The following RNF14 variants were observed in gnomAD, a reference collection of about 807,000 sequenced individuals.
RNF14 encodes E3 ubiquitin-protein ligase RNF14.
In RNF14, 26 loss-of-function variants were observed where a neutral mutation model predicts 52.6. The observed-to-expected ratio is 0.49, with a 90% CI of 0.36 to 0.69. RNF14 has a LOEUF of 0.69. Among genes scored for constraint, RNF14 ranks in the 30% least tolerant of loss-of-function variants. The probability of loss-of-function intolerance (pLI) is 0.00; values close to 1 mark genes in which losing one functional copy is unlikely to be tolerated. For missense variants in RNF14, 404 were observed against 560.4 expected (o/e 0.72, Z 2.82); for synonymous variants, 194 against 202.0 (o/e 0.96, Z 0.34).
rs749606811 is a variant in RNF14, at chr5:141,989,690, CTCA to C, written c.*1901_*1903del. The C allele has an allele frequency of 2.8e-5, 1 of 36,270 alleles. No homozygotes were observed. The highest frequency in any genetic ancestry group is 1.8e-4 in the African/African-American group (1 of 5,622). The allele number at this position is 36,270 out of a possible 1,614,324, so 2.2% of individuals were successfully genotyped here. On this transcript the variant is annotated 3_prime_UTR_variant, in exon 9 of 9. Transcript: ENST00000394520. ...CCTGAGCGACAGAGCGAGACTCCTTCTCAAAAAAAAAAAAAAAAAAAATTGAGG... is the reference window on the plus strand; with the variant it reads ...CCTGAGCGACAGAGCGAGACTCCTTCAAAAAAAAAAAAAAAAAAATTGAGG...
In RNF14 at chr5:141,978,694, T is replaced by C. The variant is rs1472422491; in HGVS notation, c.698T>C (p.Met233Thr). 8 of 1,613,916 alleles carry C rather than the reference T, an allele frequency of 5.0e-6. No homozygotes were observed. The Admixed American group carries it at 8.3e-5, about 17-fold the overall frequency. The part of the protein sequence containing the change: ...CFCEKLGSEC[M>T]YFLECRHVYC... ...TGTGAGAAGCTGGGTAGTGAATGCA[T>C]GTACTTCTTGGAGTGCAGGCATGTG... Residue 233 changes from methionine (M) to threonine (T), a missense_variant, in exon 5 of 9, where the codon ATG becomes ACG. By Grantham distance (81) the Met-to-Thr change is moderately conservative. Coordinates refer to ENST00000394520, the MANE Select transcript of RNF14 (RefSeq NM_004290.5).
At chr5:141,973,795 G>T in intron 3 of RNF14, 53 bp downstream of exon 3, 4 of 1,455,292 alleles carry the variant, frequency 2.7e-6, no homozygotes, top group Non-Finnish European at 3.7e-6. Flanking sequence ...ATTTCTTAGT[G>T]TACCTTAAAC....
intron 6 of RNF14, 62 bp downstream of exon 6, chr5:141,980,413 T>C (rs374742011): frequency 1.0e-5 from 12 of 1,204,938 alleles, no homozygotes; most frequent in Admixed American, 3.7e-5. Flanking sequence ...TTCACTCTAC[T>C]ACCAGGGCCT....
intron 4 of RNF14, among the ~76,000 whole-genome samples, chr5:141,977,336 A>G (rs751362106): frequency 2.0e-5 from 3 of 152,272 alleles, no homozygotes; most frequent in Non-Finnish European, 4.4e-5. Flanking sequence ...TGCAGGGTTT[A>G]GTCAGTGGCA....
chr5:141,955,655 G>A, upstream of RNF14: 3 of 1,614,146 alleles, frequency 1.9e-6, no homozygotes, highest in Non-Finnish European at 2.5e-6. This position sits in a 1 kb window ranked among gnomAD's most constrained non-coding sequence, Gnocchi z 5.5. Context: ...AACAAAGCCA[G>A]GATCAACCCG....
Position 141,978,191 on chromosome 5 carries a change from G to A in RNF14, c.307-112G>A. On this transcript the variant is annotated intron_variant, in intron 4 of 8. Coordinates refer to ENST00000394520, the MANE Select transcript of RNF14 (RefSeq NM_004290.5). ...CAGTGTATCACAGCAGTAAAAAATA[G>A]TGTTAGAATAAGGGCCTAACTTGCA... 4.6e-6 allele frequency: 4 copies of A among 863,602 alleles called. 1 individual carries two copies. In the South Asian group the frequency reaches 6.9e-5, roughly 15 times the overall value. 53.5% of individuals were successfully genotyped at this position (863,602 alleles called of 1,614,324 possible).
chr5:141,973,936 C>T (rs1208669837), intron 3 of RNF14, among the ~76,000 whole-genome samples, 194 bp downstream of exon 3: 1 of 152,182 alleles, frequency 6.6e-6, no homozygotes, highest in African/African-American at 2.4e-5. Context: ...TTTTTGATCA[C>T]TGAAGAGGGA....
upstream of RNF14, chr5:141,957,725 C>T: frequency 6.2e-7 from 1 of 1,613,998 alleles, no homozygotes; most frequent in Non-Finnish European, 8.5e-7. The surrounding 1 kb of genome is among the most constrained non-coding windows in gnomAD (Gnocchi z 4.3). Context: ...ATCACTGTAC[C>T]AGATGGCACT....
chr5:141,966,252 A>G (rs1753346959), upstream of RNF14, among the ~76,000 whole-genome samples: 1 of 152,174 alleles, frequency 6.6e-6, no homozygotes, highest in Non-Finnish European at 1.5e-5. Context: ...GTGCCACTGC[A>G]CTCTAGCCTG....
At chr5:141,984,773 A>G in intron 7 of RNF14, 30 bp from the exon 8 acceptor site, 1 of 1,610,852 alleles carries the variant, frequency 6.2e-7, no homozygotes, top group Non-Finnish European at 8.5e-7. Flanking sequence ...TACAGCCTTG[A>G]TATTTTTCTC....
upstream of RNF14, chr5:141,969,031 C>G (rs1165384082): frequency 1.3e-5 from 2 of 152,234 alleles, no homozygotes; most frequent in Admixed American, 1.3e-4. Context: ...GGGGCGACCA[C>G]GGCGGCTGCG....
chr5:141,957,087 T>A, upstream of RNF14: 1 of 1,614,172 alleles, frequency 6.2e-7, no homozygotes. The surrounding 1 kb of genome is among the most constrained non-coding windows in gnomAD (Gnocchi z 4.3). Flanking sequence ...GTGCAGCATC[T>A]TCTTGGATTT....
intron 3 of RNF14, among the ~76,000 whole-genome samples, chr5:141,973,950 T>A (rs564283516): frequency 6.6e-6 from 1 of 152,360 alleles, no homozygotes; most frequent in East Asian, 1.9e-4. Flanking sequence ...AGAGGGATAT[T>A]ATCCTGCATA....
chr5:141,974,655 G>T (rs187542), intron 3 of RNF14, 149 bp from the exon 4 acceptor site: 1 of 667,038 alleles, frequency 1.5e-6, no homozygotes, highest in Non-Finnish European at 2.5e-6. Flanking sequence ...TGGTGGCTAC[G>T]AAGTTAAAAT....
At chr5:141,983,318 T>A in intron 6 of RNF14, 62 bp from the exon 7 acceptor site, 1 of 1,288,986 alleles carries the variant, frequency 7.8e-7, no homozygotes, top group Non-Finnish European at 1.1e-6. Context: ...TAGCCATTTT[T>A]AATGATTTTT....
intron 3 of RNF14, 68 bp from the exon 4 acceptor site, chr5:141,974,736 C>T (rs1754093064): frequency 5.5e-6 from 8 of 1,448,092 alleles, no homozygotes; most frequent in South Asian, 1.2e-5. Flanking sequence ...TTCTTGAGCG[C>T]TGCTCAACAG....
chr5:141,965,897 G>A (rs1052664715), upstream of RNF14, among the ~76,000 whole-genome samples: 4 of 149,896 alleles, frequency 2.7e-5, no homozygotes, highest in Non-Finnish European at 3.0e-5. Flanking sequence ...ACTGGGTGAC[G>A]AAATAATCTG....
rs887242697 is a variant in RNF14 at position 141,989,690 on chromosome 5, C to A, written c.*1900C>A. 1.1e-4 allele frequency: 4 copies of A among 36,234 alleles called. No individual in the cohort carries two copies. Among genetic ancestry groups the A allele is most frequent in the Non-Finnish European group, 1.4e-4 (3 of 21,188 alleles). The allele number at this position is 36,234 out of a possible 1,614,324, so 2.2% of individuals were successfully genotyped here. A position where few individuals can be genotyped will look rare whatever the true frequency, so the allele number is the denominator to read the frequency against. ...CCTGAGCGACAGAGCGAGACTCCTT[C>A]TCAAAAAAAAAAAAAAAAAAAATTG... is the stretch of plus-strand genomic sequence containing the variant. On this transcript the variant is annotated 3_prime_UTR_variant, in exon 9 of 9. Coordinates refer to ENST00000394520, the MANE Select transcript of RNF14 (RefSeq NM_004290.5).
Position 141,974,854 on chromosome 5 carries a change from T to C in RNF14, c.205T>C (p.Phe69Leu). Reference protein sequence around the residue: ...QNSGFEYTICFLPPLVLNFEL... With the variant: ...QNSGFEYTICLLPPLVLNFEL... Reference sequence around the variant, plus strand: ...TAGTGGCTTTGAATACACCATTTGCTTTCTGCCTCCACTTGTGCTGAACTT... The same window carrying C: ...TAGTGGCTTTGAATACACCATTTGCCTTCTGCCTCCACTTGTGCTGAACTT... The change falls in exon 4 of 9, where the codon TTT becomes CTT. Residue 69 changes from phenylalanine to leucine, a missense_variant. Physicochemically the swap from Phe to Leu is conservative, Grantham distance 22 (BLOSUM62 0). Transcript: ENST00000394520. The C allele has an allele frequency of 6.2e-7, 1 of 1,614,122 alleles. No individual in the cohort carries two copies. Among genetic ancestry groups the C allele is most frequent in the Non-Finnish European group, 8.5e-7 (1 of 1,179,990 alleles).
Sources: allele counts gnomAD v4.1 joint callset (sites outside exome capture counted in the v4.1 genomes callset), GRCh38; gene constraint gnomAD v4.1.1; non-coding constraint Gnocchi (gnomAD v3.1); transcripts MANE v1.5; gene names NCBI Gene and HGNC (gene_info 2026-07-23, HGNC 2026-07-21).